The following XPNPEP2 variants were observed in gnomAD, a reference collection of about 807,000 sequenced individuals.
XPNPEP2 encodes X-prolyl aminopeptidase 2, also known as xaa-Pro aminopeptidase 2.
XPNPEP2 carries 64 observed loss-of-function variants against 59.8 expected under a neutral mutation model. The observed-to-expected ratio is 1.07, with a 90% confidence interval of 0.87 to 1.32. The LOEUF is 1.32. Among genes scored for constraint, XPNPEP2 ranks in the 40% most tolerant of loss-of-function variants. The probability of loss-of-function intolerance (pLI) is 0.00; values close to 1 mark genes in which losing one functional copy is unlikely to be tolerated. For synonymous variants in XPNPEP2, 235 were observed against 210.0 expected (o/e 1.12, Z -1.03); for missense variants, 575 against 546.8 (o/e 1.05, Z -0.51).
In XPNPEP2 at chrX:129,741,632, G is replaced by A. The variant is rs976685704; in HGVS notation, c.50-476G>A. Among the ~76,000 whole-genome samples, 5 of 111,957 alleles carry A rather than the reference G, an allele frequency of 4.5e-5. No homozygotes were observed. In the South Asian group the frequency reaches 1.8e-3, roughly 41 times the overall value. On this transcript the variant is annotated intron_variant, in intron 1 of 20. Transcript: ENST00000371106. ...AGCCTGGAATGATAGGCAAAGATTTGGACTGTAAGAAACAGTGCAAGCAGG... is the reference window on the plus strand; with the variant it reads ...AGCCTGGAATGATAGGCAAAGATTTAGACTGTAAGAAACAGTGCAAGCAGG...
intron 15 of XPNPEP2, 109 bp from the exon 16 acceptor site, chrX:129,760,403 A>G (rs1926634463): frequency 1.2e-6 from 1 of 820,028 alleles, no homozygotes; most frequent in African/African-American, 2.1e-5. Context: ...CACCCTGCCT[A>G]CACACACCCA....
chrX:129,756,645 C>A, intron 14 of XPNPEP2, 90 bp downstream of exon 14: 1 of 946,879 alleles, frequency 1.1e-6, no homozygotes, highest in Non-Finnish European at 1.5e-6. Context: ...CCTTCCTGGG[C>A]CACGGATTCT....
At chrX:129,745,361 C>T in intron 4 of XPNPEP2, 95 bp downstream of exon 4, 1 of 1,000,389 alleles carries the variant, frequency 1.0e-6, no homozygotes, top group Non-Finnish European at 1.4e-6. Flanking sequence ...ATCTGGGACC[C>T]CAGAACCTAC....
intron 8 of XPNPEP2, among the ~76,000 whole-genome samples, 178 bp downstream of exon 8, chrX:129,750,747 G>A (rs1245412587): frequency 8.9e-6 from 1 of 112,447 alleles, no homozygotes; most frequent in Non-Finnish European, 1.9e-5. Flanking sequence ...GGAGCTCATG[G>A]CTTCAGAAAA....
intron 14 of XPNPEP2, among the ~76,000 whole-genome samples, chrX:129,757,893 GAGAA>G (rs558575574): frequency 0.061 from 3,161 of 51,480 alleles, 130 homozygotes; most frequent in East Asian, 0.12. Flanking sequence ...GAGAGAGAGA[GAGAA>G]AGAAAGAAAG....
At chrX:129,740,520 A>G (rs983016288) in intron 1 of XPNPEP2, among the ~76,000 whole-genome samples, 5 of 109,846 alleles carry the variant, frequency 4.6e-5, no homozygotes, top group Non-Finnish European at 3.8e-5. Context: ...CCAGTTCCTC[A>G]GGGGGGGCTG....
rs1926613507 is a variant in XPNPEP2, at chrX:129,759,347, A to G, written c.1428+107A>G. On this transcript the variant is annotated intron_variant, in intron 15 of 20. Coordinates refer to ENST00000371106, the MANE Select transcript of XPNPEP2 (RefSeq NM_003399.6). ...CTAAAACTGAAGCTCAGAGAGGTTAAGTAGTTTGCCCAAGGTGACACCACT... is the reference window on the plus strand; with the variant it reads ...CTAAAACTGAAGCTCAGAGAGGTTAGGTAGTTTGCCCAAGGTGACACCACT... 4.0e-6 allele frequency: 4 copies of G among 1,009,355 alleles called. No homozygotes were observed. The East Asian group carries it at 1.3e-4, about 32-fold the overall frequency. The allele number at this position is 1,009,355 out of a possible 1,213,427, so 83.2% of individuals were successfully genotyped here.
intron 19 of XPNPEP2, among the ~76,000 whole-genome samples, chrX:129,763,044 T>C (rs1926686481): frequency 8.9e-6 from 1 of 111,844 alleles, no homozygotes; most frequent in Non-Finnish European, 1.9e-5. Flanking sequence ...ATATCATTGG[T>C]TCTCAATGCA....
intron 6 of XPNPEP2, 168 bp downstream of exon 6, chrX:129,746,849 G>C (rs1164152135): frequency 2.7e-5 from 13 of 477,501 alleles, no homozygotes. Flanking sequence ...TGTATTCATG[G>C]ATTGTGTAAT....
At chrX:129,756,692 A>G in intron 14 of XPNPEP2, 137 bp downstream of exon 14, 1 of 614,845 alleles carries the variant, frequency 1.6e-6, no homozygotes, top group Non-Finnish European at 2.6e-6. Context: ...TGAGCCCCGA[A>G]CATCCTACCC....
At chrX:129,761,843 G>A (rs1401814942) in intron 17 of XPNPEP2, among the ~76,000 whole-genome samples, 163 bp from the exon 18 acceptor site, 1 of 112,050 alleles carries the variant, frequency 8.9e-6, no homozygotes, top group East Asian at 2.8e-4. Context: ...AAAAGCCAGA[G>A]CCAATCTGGT....
rs1169185204 is a variant in XPNPEP2, at chrX:129,744,074, A to G, written c.234+3A>G. On this transcript the variant is annotated splice_donor_region_variant and intron_variant, in intron 3 of 20. Coordinates refer to ENST00000371106, the MANE Select transcript of XPNPEP2 (RefSeq NM_003399.6). ...TCCCAGGCACAGATGCTCACATGGT[A>G]AGAGACAGCTTCTCTCCCCCTTGCC... 2.5e-6 allele frequency: 3 copies of G among 1,203,787 alleles called. No homozygotes were observed. Among genetic ancestry groups the G allele is most frequent in the East Asian group, 3.0e-5 (1 of 33,802 alleles).
chrX:129,752,465 G>C (rs1025307761), intron 10 of XPNPEP2, 120 bp downstream of exon 10: 2 of 746,018 alleles, frequency 2.7e-6, no homozygotes, highest in Non-Finnish European at 3.9e-6. Flanking sequence ...GCCAACAACT[G>C]TGCAGTGAGT....
intron 2 of XPNPEP2, among the ~76,000 whole-genome samples, 181 bp downstream of exon 2, chrX:129,742,362 C>A (rs771567879): frequency 1.9e-5 from 2 of 105,681 alleles, no homozygotes; most frequent in Non-Finnish European, 3.9e-5. Flanking sequence ...GACTCTTGGG[C>A]CCCTCCCCCC....
At chrX:129,759,100 C>T in intron 14 of XPNPEP2, 80 bp from the exon 15 acceptor site, 1 of 1,144,926 alleles carries the variant, frequency 8.7e-7, no homozygotes, top group Admixed American at 2.2e-5. Flanking sequence ...AGCCCTGCCA[C>T]TTGTGGAAAG....
intron 19 of XPNPEP2, among the ~76,000 whole-genome samples, chrX:129,763,495 C>G (rs1455327070): frequency 9.0e-6 from 1 of 110,852 alleles, no homozygotes; most frequent in Non-Finnish European, 1.9e-5. Flanking sequence ...TGGCAAGACC[C>G]CATCTCAACA....
intron 1 of XPNPEP2, 92 bp downstream of exon 1, chrX:129,739,354 C>T: frequency 1.1e-6 from 1 of 948,088 alleles, no homozygotes; most frequent in Non-Finnish European, 1.5e-6. Context: ...GCCCGAGTCT[C>T]TTTTTCTGTT....
At chrX:129,757,659 T>A (rs751788398) in intron 14 of XPNPEP2, among the ~76,000 whole-genome samples, 5 of 106,139 alleles carry the variant, frequency 4.7e-5, no homozygotes, top group Non-Finnish European at 9.7e-5. Context: ...TACAAAAATT[T>A]TCCGGGTGTG....
intron 12 of XPNPEP2, 90 bp from the exon 13 acceptor site, chrX:129,755,204 C>A: frequency 1.1e-6 from 1 of 914,756 alleles, no homozygotes; most frequent in Non-Finnish European, 1.6e-6. Context: ...TAGAGGCAGC[C>A]ATGACCTTCA....
Sources: gnomAD v4.1 joint callset for allele counts (sites outside exome capture counted in the v4.1 genomes callset) on GRCh38, gnomAD v4.1.1 for gene constraint, MANE v1.5 for transcripts, NCBI Gene and HGNC (gene_info 2026-07-23, HGNC 2026-07-21) for gene names.